Variants in NRG3 observed in about 807,000 individuals in gnomAD.
NRG3 encodes neuregulin 3.
A neutral mutation model predicts 66.9 loss-of-function variants in NRG3; 31 were observed. The observed-to-expected ratio is 0.46, with a 90% CI of 0.35 to 0.63. The LOEUF (loss-of-function observed/expected upper bound fraction) is 0.63. Ranked by LOEUF, NRG3 falls within the 20% of genes least tolerant of loss-of-function variation. NRG3 has a pLI of 0.00. For synonymous variants in NRG3, 393 were observed against 359.4 expected (o/e 1.09, Z -1.06); for missense variants, 910 against 878.9 (o/e 1.04, Z -0.45).
chr10:82,791,682 C>G (rs2060594274), intron 3 of NRG3, among the ~76,000 whole-genome samples: 1 of 152,062 alleles, frequency 6.6e-6, no homozygotes, highest in African/African-American at 2.4e-5. Flanking sequence ...TTTTCAAAGC[C>G]CAGTAGGAAA....
chr10:82,930,077 T>C (rs550940245), intron 4 of NRG3, among the ~76,000 whole-genome samples: 5 of 152,166 alleles, frequency 3.3e-5, no homozygotes, highest in Admixed American at 1.3e-4. Flanking sequence ...TTCATAATTG[T>C]TGGGTTCATC....
At chr10:82,426,598 AT>A (rs1239230510) in intron 2 of NRG3, among the ~76,000 whole-genome samples, 5 of 3,238 alleles carry the variant, frequency 1.5e-3, no homozygotes, top group South Asian at 0.038. Context: ...CCTCAATGGA[AT>A]TATTATTATT....
At chr10:82,120,809 G>A (rs2068039210) in intron 1 of NRG3, among the ~76,000 whole-genome samples, 2 of 152,178 alleles carry the variant, frequency 1.3e-5, no homozygotes, top group South Asian at 4.2e-4. Flanking sequence ...AAGAGCTGGA[G>A]ATTCAGGGTC....
chr10:82,748,579 C>G lies in NRG3; in HGVS notation c.1027+9929C>G, dbSNP rs141677405. ...GTGTATCTCCCAATTTTCTGCAACA[C>G]ATTTATATTGTATATATTATTATAT... On this transcript the variant is annotated intron_variant, in intron 3 of 8. Coordinates refer to ENST00000372141, the MANE Select transcript of NRG3 (RefSeq NM_001010848.4). Among the ~76,000 whole-genome samples the G allele has an allele frequency of 5.4e-3, 816 of 149,874 alleles. 9 individuals carry two copies. The highest frequency in any genetic ancestry group is 0.018 in the African/African-American group (746 of 41,166).
chr10:82,614,580 T>A (rs1338086426), intron 2 of NRG3, among the ~76,000 whole-genome samples: 1 of 152,218 alleles, frequency 6.6e-6, no homozygotes, highest in Non-Finnish European at 1.5e-5. Context: ...TTAATGATTT[T>A]TTTAACAGTC....
intron 2 of NRG3, among the ~76,000 whole-genome samples, chr10:82,450,975 C>T (rs1355679094): frequency 1.3e-5 from 2 of 152,116 alleles, no homozygotes; most frequent in Admixed American, 6.5e-5. Context: ...AGGTATTTTT[C>T]TAAATTAAAA....
rs561578762 is a variant in NRG3, at chr10:82,475,967, TA to T, written c.953+117100del. On this transcript the variant is annotated intron_variant, in intron 2 of 8. Transcript: ENST00000372141. ...TGATAAGCAGTTAAGGTCCAAAATA[TA>T]TAGAGTTCCTACAACTTGACAATTA... Among the ~76,000 whole-genome samples the T allele has an allele frequency of 1.2e-3, 183 of 152,210 alleles. 1 individual carries two copies. The highest frequency in any genetic ancestry group is 4.1e-3 in the African/African-American group (171 of 41,536).
chr10:81,884,810 G>T (rs1842486586), intron 1 of NRG3, among the ~76,000 whole-genome samples: 1 of 152,132 alleles, frequency 6.6e-6, no homozygotes, highest in South Asian at 2.1e-4. Flanking sequence ...TATTTAATGT[G>T]TACATATCGA....
chr10:82,798,734 G>A (rs146605197), intron 3 of NRG3, among the ~76,000 whole-genome samples: 1 of 152,200 alleles, frequency 6.6e-6, no homozygotes, highest in Non-Finnish European at 1.5e-5. Context: ...CGAAACATCT[G>A]CAAGCTACTG....
In NRG3 at chr10:81,974,733, A is replaced by G. The variant is rs190859649; in HGVS notation, c.823+98570A>G. 2.2e-3 allele frequency among the ~76,000 whole-genome samples: 328 copies of G among 152,274 alleles called. 1 individual carries two copies. The highest frequency in any genetic ancestry group is 0.01 in the Middle Eastern group (3 of 294). Reference sequence around the variant, plus strand: ...TCTGACATCAAAAAGTCACGCATCTATACTCACACAGGCCCATTTGGAGGG... The same window carrying G: ...TCTGACATCAAAAAGTCACGCATCTGTACTCACACAGGCCCATTTGGAGGG... On this transcript the variant is annotated intron_variant, in intron 1 of 8. Coordinates refer to ENST00000372141, the MANE Select transcript of NRG3 (RefSeq NM_001010848.4).
At chr10:82,544,682 T>C (rs2043771370) in intron 2 of NRG3, among the ~76,000 whole-genome samples, 1 of 152,062 alleles carries the variant, frequency 6.6e-6, no homozygotes, top group African/African-American at 2.4e-5. Context: ...CCTAGATGAG[T>C]TGACAGAGAG....
intron 1 of NRG3, among the ~76,000 whole-genome samples, chr10:82,321,846 CT>C (rs2081596649): frequency 6.6e-6 from 1 of 152,164 alleles, no homozygotes; most frequent in Non-Finnish European, 1.5e-5. Flanking sequence ...CATGGCCCTT[CT>C]TTTCTTAAGA....
At chr10:81,966,334 A>G (rs1193146531) in intron 1 of NRG3, among the ~76,000 whole-genome samples, 1 of 150,818 alleles carries the variant, frequency 6.6e-6, no homozygotes, top group Admixed American at 6.6e-5. Context: ...GATATTATGT[A>G]TATATAATAT....
rs534506149 is a variant in NRG3 at position 82,535,740 on chromosome 10, A to G, written c.953+176872A>G. On this transcript the variant is annotated intron_variant, in intron 2 of 8. Coordinates refer to ENST00000372141, the MANE Select transcript of NRG3 (RefSeq NM_001010848.4). Reference sequence around the variant, plus strand: ...ATAAAAATGCTTAAATGTCTTAAACATAATTTGAGTGGAATTATTTATATT... The same window carrying G: ...ATAAAAATGCTTAAATGTCTTAAACGTAATTTGAGTGGAATTATTTATATT... 9.8e-5 allele frequency among the ~76,000 whole-genome samples: 15 copies of G among 152,332 alleles called. No individual in the cohort carries two copies. The South Asian group carries it at 3.1e-3, about 32-fold the overall frequency.
chr10:82,158,506 A>G (rs920891632), intron 1 of NRG3, among the ~76,000 whole-genome samples: 1 of 151,790 alleles, frequency 6.6e-6, no homozygotes, highest in African/African-American at 2.4e-5. Context: ...AGAAGTGTTT[A>G]TGATGTTAAA....
intron 2 of NRG3, among the ~76,000 whole-genome samples, chr10:82,434,674 CA>C (rs2090021757): frequency 6.6e-6 from 1 of 152,082 alleles, no homozygotes; most frequent in African/African-American, 2.4e-5. Flanking sequence ...TGAATTTTAT[CA>C]GAGGCTTTTT....
At chr10:81,992,376 A>C (rs529549615) in intron 1 of NRG3, among the ~76,000 whole-genome samples, 2 of 152,252 alleles carry the variant, frequency 1.3e-5, no homozygotes, top group South Asian at 2.1e-4. Context: ...GCTTGAGACT[A>C]TATCTGCCCT....
chr10:81,916,960 A>C (rs1845770337), intron 1 of NRG3, among the ~76,000 whole-genome samples: 1 of 152,218 alleles, frequency 6.6e-6, no homozygotes, highest in African/African-American at 2.4e-5. Flanking sequence ...AAGAAGTGGG[A>C]CTAGGACCAC....
chr10:82,406,204 GA>G (rs1203235522), intron 2 of NRG3, among the ~76,000 whole-genome samples: 1 of 152,168 alleles, frequency 6.6e-6, no homozygotes, highest in Admixed American at 6.5e-5. Context: ...ATTCACATAT[GA>G]AAGTATTAGG....
Sources: gnomAD v4.1 joint callset for allele counts (sites outside exome capture counted in the v4.1 genomes callset) on GRCh38, gnomAD v4.1.1 for gene constraint, MANE v1.5 for transcripts, NCBI Gene and HGNC (gene_info 2026-07-23, HGNC 2026-07-21) for gene names.